Variants in SEMA6B observed in about 807,000 individuals in gnomAD.
SEMA6B encodes semaphorin-6B.
Under a neutral mutation model 78.6 loss-of-function variants are expected in SEMA6B, and 47 were observed. That is an observed-to-expected ratio of 0.60 (90% CI 0.47 to 0.76). The LOEUF (loss-of-function observed/expected upper bound fraction) is 0.76, where lower values mean the gene tolerates loss of function less well. SEMA6B is among the 30% of genes least tolerant of loss of function. The probability of loss-of-function intolerance (pLI) is 0.00; values close to 1 mark genes in which losing one functional copy is unlikely to be tolerated. For synonymous variants in SEMA6B, 632 were observed against 592.2 expected (o/e 1.07, Z -0.98); for missense variants, 1,213 against 1,269.9 (o/e 0.96, Z 0.68).
chr19:4,546,685 C>T (rs140004758), intron 14 of SEMA6B, among the ~76,000 whole-genome samples: 1,840 of 152,150 alleles, frequency 0.012, 42 homozygotes, highest in African/African-American at 0.042. Flanking sequence ...AGTGCAGTGG[C>T]GGGATTTTGG....
intron 16 of SEMA6B, among the ~76,000 whole-genome samples, chr19:4,545,132 C>T (rs147313585): frequency 1.3e-5 from 2 of 151,728 alleles, no homozygotes; most frequent in African/African-American, 4.8e-5. Flanking sequence ...CACCTGAGGT[C>T]AGAAGTTTGA....
Position 4,544,122 on chromosome 19 carries a change from G to A in SEMA6B, c.2146C>T (p.Pro716Ser), listed in dbSNP as rs1977099225. 2 of 1,274,060 alleles carry A rather than the reference G, an allele frequency of 1.6e-6. No homozygotes were observed. The highest frequency in any genetic ancestry group is 1.6e-5 in the African/African-American group (1 of 64,332). The allele number at this position is 1,274,060 out of a possible 1,614,324, so 78.9% of individuals were successfully genotyped here. ...LLPTPEQTPL[P>S]QKRLPTPHPH... is the part of the protein sequence containing the mutation. ...TGCGGAGTGGGCAGGCGCTTCTGCGGCAGCGGCGTCTGCTCGGGCGTGGGC... is the reference window on the plus strand; with the variant it reads ...TGCGGAGTGGGCAGGCGCTTCTGCGACAGCGGCGTCTGCTCGGGCGTGGGC... The change falls in exon 17 of 17, where the codon CCG becomes TCG. Residue 716 changes from proline to serine, a missense_variant. Coordinates refer to ENST00000586582, the MANE Select transcript of SEMA6B (RefSeq NM_032108.4). This position sits in a 1 kb window ranked among gnomAD's most constrained non-coding sequence, Gnocchi z 5.1.
In SEMA6B at chr19:4,546,464, C is replaced by T; in HGVS notation, c.1607G>A (p.Cys536Tyr). The change falls in exon 15 of 17, where the codon TGT becomes TAT. Residue 536 changes from cysteine (C) to tyrosine (Y), a missense_variant. By Grantham distance (194) the Cys-to-Tyr change is radical (BLOSUM62 -2). Coordinates refer to ENST00000586582, the MANE Select transcript of SEMA6B (RefSeq NM_032108.4). ...CQQYSGCMKN[C>Y]IGSQDPYCGW... ...GCAGTAGGGGTCCTGACTGCCGATA[C>T]AGTTCCTAGAGCAGACCAGGGACCG... is the stretch of plus-strand genomic sequence containing the variant. The T allele has an allele frequency of 6.4e-7, 1 of 1,562,928 alleles. No individual in the cohort carries two copies. Among genetic ancestry groups the T allele is most frequent in the Non-Finnish European group, 8.7e-7 (1 of 1,153,036 alleles).
rs868549018 is a variant in SEMA6B, at chr19:4,543,904, C to G, written c.2364G>C (p.Pro788=). The change falls in exon 17 of 17, where the codon CCG becomes CCC. Residue 788 remains proline (P), a synonymous_variant. Transcript: ENST00000586582. ...RPGRASHGDF[P]LTPHASPDRR... ...GGTCCGGGCTGGCGTGGGGGGTGAGCGGGAAGTCGCCGTGGGAGGCGCGGC... is the reference window on the plus strand; with the variant it reads ...GGTCCGGGCTGGCGTGGGGGGTGAGGGGGAAGTCGCCGTGGGAGGCGCGGC... 4.7e-5 allele frequency: 57 copies of G among 1,202,224 alleles called. No homozygotes were observed. In the African/African-American group the frequency reaches 8.4e-4, roughly 18 times the overall value. 74.5% of individuals were successfully genotyped at this position (1,202,224 alleles called of 1,614,324 possible). A position where few individuals can be genotyped will look rare whatever the true frequency, so the allele number is the denominator to read the frequency against.
At position 4,550,253 on chromosome 19, in the gene SEMA6B, G is replaced by C; in HGVS notation, c.1141C>G (p.Pro381Ala). The C allele has an allele frequency of 6.2e-7, 1 of 1,613,578 alleles. No individual in the cohort carries two copies. ...CTGGAGGCATTGTACTGCATCCCGG[G>C]GGCTGCGCAGCACCCGGGCCTGGGG... ...PRPRPGCCAA[P>A]GMQYNASSAL... Residue 381 changes from proline to alanine, a missense_variant, in exon 12 of 17, where the codon CCC becomes GCC. Pro to Ala is a conservative substitution (Grantham distance 27). Coordinates refer to ENST00000586582, the MANE Select transcript of SEMA6B (RefSeq NM_032108.4). This position sits in a 1 kb window ranked among gnomAD's most constrained non-coding sequence, Gnocchi z 6.6.
rs1488664174 is a variant in SEMA6B, at chr19:4,548,398, C to G, written c.1319G>C (p.Gly440Ala). ...ACCCAGGAAGACAACGGTCTGGTTG[C>G]CCCAGGGGCCGGCTCCCACGTCCAC... ...VAVDVGAGPWGNQTVVFLGSE... is the reference protein window; with the variant it reads ...VAVDVGAGPWANQTVVFLGSE... Residue 440 changes from glycine to alanine, a missense_variant, in exon 13 of 17, where the codon GGC (glycine) becomes GCC (alanine). Coordinates refer to ENST00000586582, the MANE Select transcript of SEMA6B (RefSeq NM_032108.4). 18 of 1,613,562 alleles carry G rather than the reference C, an allele frequency of 1.1e-5. No homozygotes were observed. Among genetic ancestry groups the G allele is most frequent in the Non-Finnish European group, 1.5e-5 (18 of 1,179,960 alleles).
rs541427010 is a variant in SEMA6B at position 4,550,066 on chromosome 19, C to A, written c.1271+57G>T. The A allele has an allele frequency of 1.7e-5, 27 of 1,573,018 alleles. No homozygotes were observed. Among genetic ancestry groups the A allele is most frequent in the African/African-American group, 2.7e-5 (2 of 74,172 alleles). The stretch of plus-strand genomic sequence containing the variant: ...TGTGTTGAGCATCTGGATCCTCTCA[C>A]CCTCCATCTACCCCATCCTGTCTCC... On this transcript the variant is annotated intron_variant, in intron 12 of 16. Coordinates refer to ENST00000586582, the MANE Select transcript of SEMA6B (RefSeq NM_032108.4). The surrounding 1 kb of genome is among the most constrained non-coding windows in gnomAD (Gnocchi z 6.6).
In SEMA6B at chr19:4,548,338, C is replaced by G; in HGVS notation, c.1379G>C (p.Arg460Pro). The G allele has an allele frequency of 6.2e-7, 1 of 1,613,900 alleles. No homozygotes were observed. The highest frequency in any genetic ancestry group is 8.5e-7 in the Non-Finnish European group (1 of 1,180,018). The change falls in exon 13 of 17, where the codon CGG becomes CCG. Residue 460 changes from arginine to proline, a missense_variant. By Grantham distance (103) the Arg-to-Pro change is moderately radical. Transcript: ENST00000586582. Reference protein sequence around the residue: ...EAGTVLKFLVRPNASTSGTSG... With the variant: ...EAGTVLKFLVPPNASTSGTSG... ...CGTCCCTGAGGTGCTGGCATTGGGC[C>G]GGACGAGGAACTTGAGGACCGTCCC...
Position 4,554,488 on chromosome 19 carries a change from G to A in SEMA6B, c.683-12C>T, listed in dbSNP as rs111712535. 9.0e-4 allele frequency: 1,455 copies of A among 1,608,822 alleles called. 1 individual carries two copies. Among genetic ancestry groups the A allele is most frequent in the Non-Finnish European group, 1.1e-3 (1,293 of 1,175,544 alleles). On this transcript the variant is annotated splice_polypyrimidine_tract_variant and intron_variant, in intron 8 of 16. Transcript: ENST00000586582. ...GACAAAGTAAGGCTCTGCAGGACAG[G>A]AGGGGTCAGAACTCAGCCCCTGACA...
At position 4,548,169 on chromosome 19, in the gene SEMA6B, C is replaced by T; in HGVS notation, c.1459G>A (p.Gly487Arg). The T allele has an allele frequency of 6.3e-7, 1 of 1,591,890 alleles. No homozygotes were observed. The highest frequency in any genetic ancestry group is 8.6e-7 in the Non-Finnish European group (1 of 1,165,538). Residue 487 changes from glycine (G) to arginine (R), a missense_variant, in exon 14 of 17, where the codon GGA becomes AGA. Coordinates refer to ENST00000586582, the MANE Select transcript of SEMA6B (RefSeq NM_032108.4). Reference sequence around the variant, plus strand: ...CCTGTCTCGCCACCGCCGGGCCGTCCACACCTGGGGACAAGCAGAGTGGTG... The same window carrying T: ...CCTGTCTCGCCACCGCCGGGCCGTCTACACCTGGGGACAAGCAGAGTGGTG... ...EFETYRPDRC[G>R]RPGGGETGQR... is the part of the protein sequence containing the mutation.
In SEMA6B at chr19:4,558,520, C is replaced by T. The variant is rs900188087; in HGVS notation, c.-32-31G>A. On this transcript the variant is annotated intron_variant, in intron 1 of 16. Coordinates refer to ENST00000586582, the MANE Select transcript of SEMA6B (RefSeq NM_032108.4). This position sits in a 1 kb window ranked among gnomAD's most constrained non-coding sequence, Gnocchi z 5.1. The stretch of plus-strand genomic sequence containing the variant: ...GGCAAGGGGCGGCGAGGTGAGCGGC[C>T]TGCAGTCCCGCTCGTGGCCACAAGA... The T allele has an allele frequency of 7.3e-6, 9 of 1,229,898 alleles. No individual in the cohort carries two copies. Among genetic ancestry groups the T allele is most frequent in the Non-Finnish European group, 7.1e-6 (7 of 984,764 alleles). The allele number at this position is 1,229,898 out of a possible 1,614,324, so 76.2% of individuals were successfully genotyped here.
At chr19:4,551,208 C>T (rs1390053432) in intron 10 of SEMA6B, among the ~76,000 whole-genome samples, 2 of 151,010 alleles carry the variant, frequency 1.3e-5, no homozygotes, top group African/African-American at 4.9e-5. Context: ...TTAGAGCCCA[C>T]TCCCCAGCAG....
Position 4,555,372 on chromosome 19 carries a change from G to T in SEMA6B, c.562+102C>A. On this transcript the variant is annotated intron_variant, in intron 7 of 16. Transcript: ENST00000586582. This position sits in a 1 kb window ranked among gnomAD's most constrained non-coding sequence, Gnocchi z 6.1. ...TGCCCATGTCACAGCTGGGACAAGT[G>T]GTCGTCCAGCTGCCTTCTAAACAAC... The T allele has an allele frequency of 9.7e-7, 1 of 1,036,046 alleles. No homozygotes were observed. 64.2% of individuals were successfully genotyped at this position (1,036,046 alleles called of 1,614,324 possible).
At position 4,550,785 on chromosome 19, in the gene SEMA6B, G is replaced by C; in HGVS notation, c.1121+14C>G. On this transcript the variant is annotated intron_variant, in intron 11 of 16. Transcript: ENST00000586582. This position sits in a 1 kb window ranked among gnomAD's most constrained non-coding sequence, Gnocchi z 6.6. ...TCATCCGGGCATGTGACTCAGGATGGAGGGGGTTCTCACCGGGGTCGAGGC... is the reference window on the plus strand; with the variant it reads ...TCATCCGGGCATGTGACTCAGGATGCAGGGGGTTCTCACCGGGGTCGAGGC... 6.2e-7 allele frequency: 1 copy of C among 1,613,060 alleles called. No individual in the cohort carries two copies. The highest frequency in any genetic ancestry group is 8.5e-7 in the Non-Finnish European group (1 of 1,179,872).
chr19:4,549,565 G>A (rs1977265171), intron 12 of SEMA6B, among the ~76,000 whole-genome samples: 2 of 152,096 alleles, frequency 1.3e-5, no homozygotes, highest in Non-Finnish European at 2.9e-5. Flanking sequence ...TGCAAGCTCC[G>A]CCTCCCGGGT....
At chr19:4,551,684 C>T (rs974665216) in intron 10 of SEMA6B, among the ~76,000 whole-genome samples, 3 of 151,816 alleles carry the variant, frequency 2.0e-5, no homozygotes, top group African/African-American at 7.2e-5. Context: ...ACAAAATAAG[C>T]TGGGTGTGGT....
At chr19:4,551,697 C>G (rs576230367) in intron 10 of SEMA6B, among the ~76,000 whole-genome samples, 1 of 151,886 alleles carries the variant, frequency 6.6e-6, no homozygotes, top group Admixed American at 6.5e-5. Context: ...GGTGTGGTGG[C>G]GCACGCCTGT....
intron 16 of SEMA6B, among the ~76,000 whole-genome samples, chr19:4,545,173 T>G (rs1977132321): frequency 6.6e-6 from 1 of 151,488 alleles, no homozygotes; most frequent in Non-Finnish European, 1.5e-5. Context: ...GAAACCCATC[T>G]CTACTAAAAA....
chr19:4,550,607 G>T lies in SEMA6B; in HGVS notation c.1121+192C>A, dbSNP rs1977303187. On this transcript the variant is annotated intron_variant, in intron 11 of 16. Coordinates refer to ENST00000586582, the MANE Select transcript of SEMA6B (RefSeq NM_032108.4). This position sits in a 1 kb window ranked among gnomAD's most constrained non-coding sequence, Gnocchi z 6.6. ...TCAAACCCTCGACCTCAGGTGATCT[G>T]CCCACCTCCGCCTCCCAAAGGGCTA... Among the ~76,000 whole-genome samples, 1 of 152,086 alleles carries T rather than the reference G, an allele frequency of 6.6e-6. No homozygotes were observed. Among genetic ancestry groups the T allele is most frequent in the South Asian group, 2.1e-4 (1 of 4,822 alleles).
Sources: gnomAD v4.1 joint callset for allele counts (sites outside exome capture counted in the v4.1 genomes callset) on GRCh38, gnomAD v4.1.1 for gene constraint, Gnocchi (gnomAD v3.1) non-coding constraint, MANE v1.5 for transcripts, NCBI Gene and HGNC (gene_info 2026-07-23, HGNC 2026-07-21) for gene names.